Variants in CADM2 observed in about 807,000 individuals in gnomAD.
CADM2 encodes the protein immunoglobulin superfamily member 4D.
In CADM2, 12 loss-of-function variants were observed where a neutral mutation model predicts 49.8. That is an observed-to-expected ratio of 0.24 (90% CI 0.15 to 0.39). CADM2 has a LOEUF of 0.39. CADM2 is among the 10% of genes least tolerant of loss of function. CADM2 has a pLI of 1.00. For missense variants in CADM2, 378 were observed against 492.3 expected (o/e 0.77, Z 2.20); for synonymous variants, 214 against 175.4 (o/e 1.22, Z -1.74).
chr3:85,033,366 C>A (rs910502526), intron 1 of CADM2, among the ~76,000 whole-genome samples: 1 of 152,108 alleles, frequency 6.6e-6, no homozygotes, highest in African/African-American at 2.4e-5. Flanking sequence ...ACACTGTTTT[C>A]TTTCATAGAG....
At chr3:85,998,562 C>T (rs1228906192) in intron 8 of CADM2, among the ~76,000 whole-genome samples, 1 of 152,014 alleles carries the variant, frequency 6.6e-6, no homozygotes, top group Non-Finnish European at 1.5e-5. Context: ...TTTATCTATG[C>T]ACTTATTGAT....
intron 1 of CADM2, among the ~76,000 whole-genome samples, chr3:84,998,932 G>A (rs1197462209): frequency 6.6e-6 from 1 of 152,070 alleles, no homozygotes; most frequent in Non-Finnish European, 1.5e-5. Context: ...ATCTAATACT[G>A]TGGGAATAAG....
At chr3:85,828,437 C>G (rs962827978) in intron 3 of CADM2, among the ~76,000 whole-genome samples, 1 of 151,884 alleles carries the variant, frequency 6.6e-6, no homozygotes, top group African/African-American at 2.4e-5. Context: ...AAAAAGACTT[C>G]TAGGCAGTTC....
chr3:85,990,325 G>A (rs1252537764), intron 8 of CADM2, among the ~76,000 whole-genome samples: 1 of 152,094 alleles, frequency 6.6e-6, no homozygotes, highest in South Asian at 2.1e-4. Flanking sequence ...CCTAACTGTA[G>A]GCTAATGTAA....
rs144841389 is a variant in CADM2, at chr3:86,035,241, T to A, written c.971-30364T>A. 1.2e-4 allele frequency among the ~76,000 whole-genome samples: 18 copies of A among 152,190 alleles called. No homozygotes were observed. In the East Asian group the frequency reaches 1.9e-3, roughly 16 times the overall value. Reference sequence around the variant, plus strand: ...CGTGATCTCTCTTGAACCTGAGACTTTTCACATGTGGCTCTCTCAGATATT... The same window carrying A: ...CGTGATCTCTCTTGAACCTGAGACTATTCACATGTGGCTCTCTCAGATATT... On this transcript the variant is annotated intron_variant, in intron 8 of 9. Transcript: ENST00000383699.
At chr3:85,281,605 G>A (rs191454806) in intron 1 of CADM2, among the ~76,000 whole-genome samples, 20 of 152,082 alleles carry the variant, frequency 1.3e-4, no homozygotes, top group African/African-American at 4.8e-4. Context: ...TCACACATAC[G>A]ATGATATGCT....
chr3:86,009,196 AAT>A (rs1471759382), intron 8 of CADM2, among the ~76,000 whole-genome samples: 1 of 112,654 alleles, frequency 8.9e-6, no homozygotes. Context: ...TATATGTATG[AAT>A]ATATATGTGT....
intron 1 of CADM2, among the ~76,000 whole-genome samples, chr3:85,188,113 C>A (rs1409898371): frequency 3.3e-5 from 5 of 151,852 alleles, no homozygotes; most frequent in African/African-American, 9.7e-5. Flanking sequence ...TAGGTAATAA[C>A]CTTAATTGCT....
Position 85,588,569 on chromosome 3 carries a change from G to A in CADM2, c.62-137953G>A, listed in dbSNP as rs116368553. ...GATGTGATTTGAGAACTGCCAATAC[G>A]TTAAGCAATCTGCTGCAAAATTGTC... On this transcript the variant is annotated intron_variant, in intron 1 of 9. Coordinates refer to ENST00000383699, the MANE Select transcript of CADM2 (RefSeq NM_001167675.2). 8.3e-3 allele frequency among the ~76,000 whole-genome samples: 1,269 copies of A among 152,118 alleles called. 18 individuals are homozygous for A. Among genetic ancestry groups the A allele is most frequent in the African/African-American group, 0.027 (1,139 of 41,522 alleles).
intron 3 of CADM2, among the ~76,000 whole-genome samples, chr3:85,833,696 T>G (rs183602901): frequency 3.3e-5 from 5 of 151,748 alleles, no homozygotes; most frequent in Admixed American, 1.3e-4. Context: ...GATGTCTGCA[T>G]AGATTCCAGG....
chr3:85,763,465 C>T (rs2069498369), intron 2 of CADM2, among the ~76,000 whole-genome samples: 1 of 152,120 alleles, frequency 6.6e-6, no homozygotes, highest in Non-Finnish European at 1.5e-5. Flanking sequence ...ATATTCATTT[C>T]CCTTCTGGTG....
chr3:85,089,945 G>A (rs112981226), intron 1 of CADM2, among the ~76,000 whole-genome samples: 5 of 151,954 alleles, frequency 3.3e-5, no homozygotes, highest in African/African-American at 1.2e-4. Flanking sequence ...AAGTTTCTCT[G>A]GATTTCCTTG....
At chr3:84,993,549 A>G (rs1023962190) in intron 1 of CADM2, among the ~76,000 whole-genome samples, 2 of 152,176 alleles carry the variant, frequency 1.3e-5, no homozygotes, top group Admixed American at 1.3e-4. Context: ...TCTGGTGGTA[A>G]GTGGTGCACC....
intron 8 of CADM2, among the ~76,000 whole-genome samples, chr3:86,009,515 C>A (rs894547519): frequency 9.9e-5 from 15 of 151,460 alleles, no homozygotes; most frequent in Admixed American, 4.6e-4. Context: ...GCGATGAAAT[C>A]GTATTTTGTT....
intron 1 of CADM2, among the ~76,000 whole-genome samples, chr3:85,330,111 G>T (rs1361446163): frequency 6.6e-6 from 1 of 152,082 alleles, no homozygotes. Flanking sequence ...TCACATAAAA[G>T]AAATCCTACA....
intron 1 of CADM2, among the ~76,000 whole-genome samples, chr3:85,636,322 A>T (rs907663010): frequency 3.3e-5 from 5 of 152,194 alleles, no homozygotes; most frequent in East Asian, 1.9e-4. Flanking sequence ...GGTTTATAAC[A>T]AAAAAGCTTA....
At chr3:85,057,063 T>C (rs557572393) in intron 1 of CADM2, among the ~76,000 whole-genome samples, 4 of 152,136 alleles carry the variant, frequency 2.6e-5, no homozygotes, top group Admixed American at 6.6e-5. Context: ...TCTCTCGAAT[T>C]CATTGTTGGC....
intron 1 of CADM2, among the ~76,000 whole-genome samples, chr3:85,527,381 A>G (rs1297145749): frequency 6.6e-6 from 1 of 150,550 alleles, no homozygotes; most frequent in Non-Finnish European, 1.5e-5. Flanking sequence ...GCGACAGAGC[A>G]AGACACTCTC....
At chr3:85,949,191 A>G (rs111371766) in intron 7 of CADM2, among the ~76,000 whole-genome samples, 5 of 151,444 alleles carry the variant, frequency 3.3e-5, no homozygotes, top group African/African-American at 7.3e-5. Flanking sequence ...AAATCAATTT[A>G]TATGACTTTT....
Sources: gnomAD v4.1 joint callset for allele counts (sites outside exome capture counted in the v4.1 genomes callset) on GRCh38, gnomAD v4.1.1 for gene constraint, MANE v1.5 for transcripts, NCBI Gene and HGNC (gene_info 2026-07-23, HGNC 2026-07-21) for gene names.